The following ANKFN1 variants were observed in gnomAD, a reference collection of about 807,000 sequenced individuals.
ANKFN1 encodes the protein ankyrin repeat and fibronectin type III domain containing 1.
Under a neutral mutation model 108.7 loss-of-function variants are expected in ANKFN1, and 74 were observed. That is an observed-to-expected ratio of 0.68 (90% CI 0.56 to 0.83). The LOEUF (loss-of-function observed/expected upper bound fraction) is 0.83. ANKFN1 is among the 40% of genes least tolerant of loss of function. The pLI is 0.00. For missense variants in ANKFN1, 1,505 were observed against 1,382.3 expected (o/e 1.09, Z -1.41); for synonymous variants, 547 against 516.2 (o/e 1.06, Z -0.81).
At chr17:56,379,085 A>G (rs2047019951) in intron 8 of ANKFN1, among the ~76,000 whole-genome samples, 1 of 152,088 alleles carries the variant, frequency 6.6e-6, no homozygotes, top group Non-Finnish European at 1.5e-5. Flanking sequence ...CTCAAACTAT[A>G]TTGTGTAGGA....
At chr17:56,151,040 TG>T (rs1180532376), upstream of ANKFN1, among the ~76,000 whole-genome samples, 4 of 152,122 alleles carry the variant, frequency 2.6e-5, no homozygotes, top group East Asian at 7.7e-4. Flanking sequence ...GGACCTGACA[TG>T]GGGAGCCCAC....
chr17:56,183,910 A>G (rs1317028935), intron 1 of ANKFN1, among the ~76,000 whole-genome samples: 2 of 152,374 alleles, frequency 1.3e-5, no homozygotes, highest in East Asian at 1.9e-4. Flanking sequence ...TAAAGCCTTC[A>G]GATGTGACTG....
intron 3 of ANKFN1, chr17:56,258,462 G>A (rs1474232013): frequency 6.6e-6 from 1 of 152,158 alleles, no homozygotes; most frequent in Non-Finnish European, 1.5e-5. Context: ...TTGGGAAGAT[G>A]GTGACAACAC....
intron 1 of ANKFN1, among the ~76,000 whole-genome samples, chr17:56,182,672 T>C (rs1567822295): frequency 6.6e-6 from 1 of 152,222 alleles, no homozygotes; most frequent in Non-Finnish European, 1.5e-5. Flanking sequence ...TCTGAAGATC[T>C]AACTAAGATA....
In ANKFN1 at chr17:56,212,685, T is replaced by C. The variant is rs1035447852; in HGVS notation, c.12+6T>C. Among the ~76,000 whole-genome samples, 20 of 152,022 alleles carry C rather than the reference T, an allele frequency of 1.3e-4. No homozygotes were observed. The highest frequency in any genetic ancestry group is 4.6e-4 in the African/African-American group (19 of 41,388). ...CAGGCTACATGAATGAGAAGGTTAG[T>C]TTTTCCGCAGTCCTCCTTGAGCCTA... On this transcript the variant is annotated splice_donor_region_variant and intron_variant, in intron 2 of 20. Coordinates refer to ENST00000682825, the MANE Select transcript of ANKFN1 (RefSeq NM_001370326.1).
At chr17:56,159,670 C>A (rs1026504747) in intron 1 of ANKFN1, among the ~76,000 whole-genome samples, 1 of 152,196 alleles carries the variant, frequency 6.6e-6, no homozygotes, top group South Asian at 2.1e-4. Flanking sequence ...CCAAGACACA[C>A]GTATTAATAA....
intron 4 of ANKFN1, among the ~76,000 whole-genome samples, chr17:56,133,043 G>A (rs953623994): frequency 1.3e-5 from 2 of 152,140 alleles, no homozygotes; most frequent in Non-Finnish European, 2.9e-5. Flanking sequence ...AGTACATTCT[G>A]TTTACACGTG....
At chr17:56,246,916 C>G (rs1054223295) in intron 3 of ANKFN1, among the ~76,000 whole-genome samples, 3 of 152,136 alleles carry the variant, frequency 2.0e-5, no homozygotes, top group Non-Finnish European at 4.4e-5. Flanking sequence ...GTACAAGCTT[C>G]AAGCATCAAT....
intron 8 of ANKFN1, among the ~76,000 whole-genome samples, chr17:56,395,820 G>C (rs1378577607): frequency 6.6e-6 from 1 of 152,026 alleles, no homozygotes; most frequent in African/African-American, 2.4e-5. Flanking sequence ...CTGCACTCCA[G>C]CCTGGCGACA....
At chr17:56,284,698 A>G (rs1303958700) in intron 3 of ANKFN1, among the ~76,000 whole-genome samples, 1 of 152,230 alleles carries the variant, frequency 6.6e-6, no homozygotes, top group East Asian at 1.9e-4. Flanking sequence ...CCACCGCACC[A>G]TGCAATGGCA....
chr17:56,230,819 G>C (rs1916680880), intron 3 of ANKFN1, among the ~76,000 whole-genome samples: 1 of 152,008 alleles, frequency 6.6e-6, no homozygotes. Flanking sequence ...ACCATTTTCT[G>C]CAATTTGTGG....
intron 15 of ANKFN1, among the ~76,000 whole-genome samples, chr17:56,470,105 A>C (rs1409689787): frequency 6.6e-6 from 1 of 152,190 alleles, no homozygotes; most frequent in Non-Finnish European, 1.5e-5. Flanking sequence ...ATGTCCCCGC[A>C]AAGGACATGA....
At chr17:56,280,614 C>T (rs1355901538) in intron 3 of ANKFN1, among the ~76,000 whole-genome samples, 1 of 152,130 alleles carries the variant, frequency 6.6e-6, no homozygotes, top group African/African-American at 2.4e-5. Context: ...ATTGCATGAG[C>T]CAATCCCATA....
chr17:56,117,940 T>A (rs561690439), intron 4 of ANKFN1, among the ~76,000 whole-genome samples: 1 of 152,252 alleles, frequency 6.6e-6, no homozygotes, highest in East Asian at 1.9e-4. Flanking sequence ...TCTGATTCTA[T>A]AGGTTTGCCC....
At chr17:56,341,689 G>C (rs916803796) in intron 4 of ANKFN1, among the ~76,000 whole-genome samples, 1 of 151,878 alleles carries the variant, frequency 6.6e-6, no homozygotes, top group Non-Finnish European at 1.5e-5. Flanking sequence ...TTTTTGATGT[G>C]CTGCTGGATT....
chr17:56,292,531 G>T (rs112037190), intron 3 of ANKFN1, among the ~76,000 whole-genome samples: 4 of 152,164 alleles, frequency 2.6e-5, no homozygotes, highest in African/African-American at 9.7e-5. Flanking sequence ...TCTCCAGGTG[G>T]TCCTACGAGG....
intron 3 of ANKFN1, among the ~76,000 whole-genome samples, chr17:56,291,346 A>T (rs1224661842): frequency 6.8e-6 from 1 of 147,976 alleles, no homozygotes; most frequent in Non-Finnish European, 1.5e-5. Flanking sequence ...CTTAGAAGAC[A>T]CTCTATGACT....
chr17:56,134,449 G>C (rs1229729063), intron 4 of ANKFN1, among the ~76,000 whole-genome samples: 2 of 152,124 alleles, frequency 1.3e-5, no homozygotes. Flanking sequence ...GATCTTTCTG[G>C]TGACCGGCCC....
At chr17:56,397,727 C>A (rs1188726902) in intron 8 of ANKFN1, among the ~76,000 whole-genome samples, 3 of 152,136 alleles carry the variant, frequency 2.0e-5, no homozygotes, top group Non-Finnish European at 4.4e-5. Context: ...ACTTTGGTAG[C>A]AGAACCACGG....
Sources: allele counts gnomAD v4.1 joint callset (sites outside exome capture counted in the v4.1 genomes callset), GRCh38; gene constraint gnomAD v4.1.1; transcripts MANE v1.5; gene names NCBI Gene and HGNC (gene_info 2026-07-23, HGNC 2026-07-21).